Variants in OR4C3 observed in about 807,000 individuals in gnomAD.
The protein encoded by OR4C3 is olfactory receptor family 4 subfamily C member 3, also known as olfactory receptor 4C3.
For synonymous variants in OR4C3, 186 were observed against 140.1 expected (o/e 1.33, Z -2.31); for missense variants, 439 against 360.7 (o/e 1.22, Z -1.76).
rs554195182 is a variant in OR4C3, at chr11:48,325,479, A to G, written c.458A>G (p.His153Arg). Residue 153 changes from histidine (H) to arginine (R), a missense_variant, in exon 1 of 1, where the codon CAT becomes CGT. His to Arg is a conservative substitution (Grantham distance 29, BLOSUM62 0). Coordinates refer to ENST00000319856, the MANE Select transcript of OR4C3 (RefSeq NM_001004702.2). ...GTGGCTTGGCTTGGGGGCTTCCTGCATTCATTGGTTCAGCTCCTCCTGGTC... is the reference window on the plus strand; with the variant it reads ...GTGGCTTGGCTTGGGGGCTTCCTGCGTTCATTGGTTCAGCTCCTCCTGGTC... ...VGVAWLGGFL[H>R]SLVQLLLVLW... 4 of 1,613,736 alleles carry G rather than the reference A, an allele frequency of 2.5e-6. No homozygotes were observed. The highest frequency in any genetic ancestry group is 2.7e-5 in the African/African-American group (2 of 75,010).
Position 48,325,400 on chromosome 11 carries a change from C to A in OR4C3, c.379C>A (p.Pro127Thr), listed in dbSNP as rs1310313615. ...TGACCGCTATGTGGCCATCTGTAAG[C>A]CCCTGCACAATACTACCATCATGAC... The part of the protein sequence containing the change: ...AYDRYVAICK[P>T]LHNTTIMTRH... Residue 127 changes from proline (P) to threonine (T), a missense_variant, in exon 1 of 1, where the codon CCC (proline) becomes ACC (threonine). Coordinates refer to ENST00000319856, the MANE Select transcript of OR4C3 (RefSeq NM_001004702.2). 2 of 1,613,964 alleles carry A rather than the reference C, an allele frequency of 1.2e-6. No individual in the cohort carries two copies. The highest frequency in any genetic ancestry group is 1.7e-5 in the Admixed American group (1 of 60,016).
chr11:48,325,912 A>G lies in OR4C3; in HGVS notation c.891A>G (p.Arg297=). The G allele has an allele frequency of 1.3e-6, 2 of 1,506,346 alleles. No homozygotes were observed. Among genetic ancestry groups the G allele is most frequent in the Non-Finnish European group, 1.8e-6 (2 of 1,132,122 alleles). 93.3% of individuals were successfully genotyped at this position (1,506,346 alleles called of 1,614,324 possible). ...ATGAAGAGGTAAAAAATGCCATGAG[A>G]AAGCTCTTTACATGGTAAGAAATTG... is the stretch of plus-strand genomic sequence containing the variant. ...LRNEEVKNAM[R]KLFTW The change falls in exon 1 of 1, where the codon AGA becomes AGG. Residue 297 remains arginine, a synonymous_variant. Transcript: ENST00000319856.
At position 48,325,771 on chromosome 11, in the gene OR4C3, G is replaced by A. The variant is rs1173755819; in HGVS notation, c.750G>A (p.Val250=). 1 of 1,612,718 alleles carries A rather than the reference G, an allele frequency of 6.2e-7. No homozygotes were observed. The highest frequency in any genetic ancestry group is 1.1e-5 in the South Asian group (1 of 90,824). ...AHFIVVALFF[V]PCIFTYVHPF... ...TCATTGTTGTTGCCTTGTTCTTTGT[G>A]CCCTGTATATTTACTTATGTGCATC... Residue 250 remains valine, a synonymous_variant, in exon 1 of 1, where the codon GTG becomes GTA. Transcript: ENST00000319856.
chr11:48,324,986 A>C lies in OR4C3; in HGVS notation c.-36A>C, dbSNP rs769792354. 1.2e-6 allele frequency: 2 copies of C among 1,611,640 alleles called. No homozygotes were observed. The highest frequency in any genetic ancestry group is 2.2e-5 in the South Asian group (2 of 90,362). On this transcript the variant is annotated 5_prime_UTR_variant, in exon 1 of 1. Coordinates refer to ENST00000319856, the MANE Select transcript of OR4C3 (RefSeq NM_001004702.2). ...TATGTTTCTCCTTGTCTTTATAGGC[A>C]ATACTGCACCTGCATTCTCAGTGAC...
In OR4C3 at chr11:48,325,244, A is replaced by T. The variant is rs768990774; in HGVS notation, c.223A>T (p.Met75Leu). ...SFIDTFYSSS[M>L]APKLIADSLY... ...TATTGACACCTTTTATTCTTCTTCTATGGCTCCTAAACTCATTGCTGACTC... is the reference window on the plus strand; with the variant it reads ...TATTGACACCTTTTATTCTTCTTCTTTGGCTCCTAAACTCATTGCTGACTC... The change falls in exon 1 of 1, where the codon ATG (methionine) becomes TTG (leucine). Residue 75 changes from methionine to leucine, a missense_variant. Met to Leu is a conservative substitution (Grantham distance 15, BLOSUM62 2). Transcript: ENST00000319856. 2 of 1,613,998 alleles carry T rather than the reference A, an allele frequency of 1.2e-6. No individual in the cohort carries two copies. Among genetic ancestry groups the T allele is most frequent in the South Asian group, 2.2e-5 (2 of 91,082 alleles).
rs758196846 is a variant in OR4C3 at position 48,325,819 on chromosome 11, CA to C, written c.803del (p.Asn268IlefsTer9). 4 of 1,606,924 alleles carry C rather than the reference CA, an allele frequency of 2.5e-6. No homozygotes were observed. Among genetic ancestry groups the C allele is most frequent in the Non-Finnish European group, 3.4e-6 (4 of 1,177,252 alleles). ...ATCCATTTTCTACTTTACCTATAGACAAAAATATGGCATTATTTTATGGTAT... is the reference window on the plus strand; with the variant it reads ...ATCCATTTTCTACTTTACCTATAGACAAAATATGGCATTATTTTATGGTAT... ...VHPFSTLPID[K>X]NMALFYGILT... On this transcript the variant is annotated frameshift_variant, in exon 1 of 1. Transcript: ENST00000319856. LOFTEE classifies it low-confidence loss of function (END_TRUNC).
chr11:48,325,790 G>C lies in OR4C3; in HGVS notation c.769G>C (p.Val257Leu). The C allele has an allele frequency of 6.2e-7, 1 of 1,611,784 alleles. No homozygotes were observed. The highest frequency in any genetic ancestry group is 8.5e-7 in the Non-Finnish European group (1 of 1,179,200). ...CTTTGTGCCCTGTATATTTACTTAT[G>C]TGCATCCATTTTCTACTTTACCTAT... ...LFFVPCIFTY[V>L]HPFSTLPIDK... Residue 257 changes from valine (V) to leucine (L), a missense_variant, in exon 1 of 1, where the codon GTG becomes CTG. Transcript: ENST00000319856.
At position 48,325,708 on chromosome 11, in the gene OR4C3, T is replaced by C. The variant is rs139611454; in HGVS notation, c.687T>C (p.Asp229=). ...ACTCCTTGAGGTCCCACAGTGCAGA[T>C]GGGAGATGCAAAGCCCTCTCCACCT... ...ILYSLRSHSA[D]GRCKALSTCG... The change falls in exon 1 of 1, where the codon GAT becomes GAC. Residue 229 remains aspartate, a synonymous_variant. Transcript: ENST00000319856. The C allele has an allele frequency of 6.2e-7, 1 of 1,614,140 alleles. No homozygotes were observed.
Position 48,325,775 on chromosome 11 carries a change from T to G in OR4C3, c.754T>G (p.Cys252Gly). The stretch of plus-strand genomic sequence containing the variant: ...TGTTGTTGCCTTGTTCTTTGTGCCC[T>G]GTATATTTACTTATGTGCATCCATT... ...FIVVALFFVP[C>G]IFTYVHPFST... Residue 252 changes from cysteine to glycine, a missense_variant, in exon 1 of 1, where the codon TGT becomes GGT. Cys to Gly is a radical substitution (Grantham distance 159). Transcript: ENST00000319856. 1 of 1,612,454 alleles carries G rather than the reference T, an allele frequency of 6.2e-7. No homozygotes were observed. The highest frequency in any genetic ancestry group is 8.5e-7 in the Non-Finnish European group (1 of 1,179,338).
rs766673869 is a variant in OR4C3 at position 48,325,354 on chromosome 11, T to G, written c.333T>G (p.Ile111Met). ...ATTTTTTGGGAGGTGTTGAGATCAT[T>G]CTGCTCACAGTGATGGCTTATGACC... Reference protein sequence around the residue: ...GAHFLGGVEIILLTVMAYDRY... With the variant: ...GAHFLGGVEIMLLTVMAYDRY... Residue 111 changes from isoleucine (I) to methionine (M), a missense_variant, in exon 1 of 1, where the codon ATT becomes ATG. Ile to Met is a conservative substitution (Grantham distance 10). Transcript: ENST00000319856. 5.6e-6 allele frequency: 9 copies of G among 1,614,034 alleles called. No individual in the cohort carries two copies. The Admixed American group carries it at 1.5e-4, about 27-fold the overall frequency.
At position 48,325,454 on chromosome 11, in the gene OR4C3, G is replaced by A. The variant is rs146835532; in HGVS notation, c.433G>A (p.Val145Met). ...GCATCTCTGTGCCATGCTTGTAGGGGTGGCTTGGCTTGGGGGCTTCCTGCA... is the reference window on the plus strand; with the variant it reads ...GCATCTCTGTGCCATGCTTGTAGGGATGGCTTGGCTTGGGGGCTTCCTGCA... ...TRHLCAMLVG[V>M]AWLGGFLHSL... The change falls in exon 1 of 1, where the codon GTG (valine) becomes ATG (methionine). Residue 145 changes from valine to methionine, a missense_variant. Physicochemically the swap from Val to Met is conservative, Grantham distance 21. Transcript: ENST00000319856. The A allele has an allele frequency of 4.0e-5, 65 of 1,613,638 alleles. No homozygotes were observed. The African/African-American group carries it at 8.3e-4, about 21-fold the overall frequency.
Position 48,324,943 on chromosome 11 carries a change from G to A in OR4C3, c.-79G>A, listed in dbSNP as rs139736329. 2.9e-4 allele frequency: 451 copies of A among 1,577,178 alleles called. No homozygotes were observed. The highest frequency in any genetic ancestry group is 3.8e-4 in the Non-Finnish European group (444 of 1,162,950). ...AAAACTTGCAATGTTTTTCCCCCATGCAATTAGTTCTATTACTTATGTTTC... is the reference window on the plus strand; with the variant it reads ...AAAACTTGCAATGTTTTTCCCCCATACAATTAGTTCTATTACTTATGTTTC... On this transcript the variant is annotated 5_prime_UTR_variant, in exon 1 of 1. The change abolishes an upstream ATG in the 5' untranslated region. Coordinates refer to ENST00000319856, the MANE Select transcript of OR4C3 (RefSeq NM_001004702.2).
chr11:48,325,349 A>G lies in OR4C3; in HGVS notation c.328A>G (p.Ile110Val), dbSNP rs1367042547. 6.2e-6 allele frequency: 10 copies of G among 1,614,098 alleles called. No homozygotes were observed. Among genetic ancestry groups the G allele is most frequent in the Non-Finnish European group, 8.5e-6 (10 of 1,180,028 alleles). The change falls in exon 1 of 1, where the codon ATC (isoleucine) becomes GTC (valine). Residue 110 changes from isoleucine to valine, a missense_variant. Transcript: ENST00000319856. Reference protein sequence around the residue: ...FGAHFLGGVEIILLTVMAYDR... With the variant: ...FGAHFLGGVEVILLTVMAYDR... ...AGCTCATTTTTTGGGAGGTGTTGAG[A>G]TCATTCTGCTCACAGTGATGGCTTA...
chr11:48,325,095 T>C lies in OR4C3; in HGVS notation c.74T>C (p.Leu25Pro). Reference sequence around the variant, plus strand: ...CAGAACTCAGAGGTACAGAGAGTTCTCTTTGTGGTCTTTTTGCTGATCTAT... The same window carrying C: ...CAGAACTCAGAGGTACAGAGAGTTCCCTTTGTGGTCTTTTTGCTGATCTAT... ...LSQNSEVQRV[L>P]FVVFLLIYVV... The change falls in exon 1 of 1, where the codon CTC (leucine) becomes CCC (proline). Residue 25 changes from leucine (L) to proline (P), a missense_variant. Transcript: ENST00000319856. The C allele has an allele frequency of 6.2e-7, 1 of 1,614,164 alleles. No individual in the cohort carries two copies. The highest frequency in any genetic ancestry group is 8.5e-7 in the Non-Finnish European group (1 of 1,180,028).
In OR4C3 at chr11:48,325,242, C is replaced by T. The variant is rs747540397; in HGVS notation, c.221C>T (p.Ser74Phe). 1 of 1,614,146 alleles carries T rather than the reference C, an allele frequency of 6.2e-7. No individual in the cohort carries two copies. Among genetic ancestry groups the T allele is most frequent in the Admixed American group, 1.7e-5 (1 of 60,026 alleles). Residue 74 changes from serine to phenylalanine, a missense_variant, in exon 1 of 1, where the codon TCT (serine) becomes TTT (phenylalanine). Physicochemically the swap from Ser to Phe is radical, Grantham distance 155. Coordinates refer to ENST00000319856, the MANE Select transcript of OR4C3 (RefSeq NM_001004702.2). ...LSFIDTFYSSSMAPKLIADSL... is the reference protein window; with the variant it reads ...LSFIDTFYSSFMAPKLIADSL... ...TTTATTGACACCTTTTATTCTTCTT[C>T]TATGGCTCCTAAACTCATTGCTGAC...
At position 48,325,483 on chromosome 11, in the gene OR4C3, A is replaced by G. The variant is rs1453189178; in HGVS notation, c.462A>G (p.Ser154=). ...CTTGGCTTGGGGGCTTCCTGCATTC[A>G]TTGGTTCAGCTCCTCCTGGTCCTTT... ...GVAWLGGFLH[S]LVQLLLVLWL... Residue 154 remains serine, a synonymous_variant, in exon 1 of 1, where the codon TCA becomes TCG. Transcript: ENST00000319856. The G allele has an allele frequency of 1.2e-6, 2 of 1,613,678 alleles. No individual in the cohort carries two copies. Among genetic ancestry groups the G allele is most frequent in the South Asian group, 2.2e-5 (2 of 91,010 alleles).
In OR4C3 at chr11:48,325,915, G is replaced by T. The variant is rs146376612; in HGVS notation, c.894G>T (p.Lys298Asn). ...RNEEVKNAMR[K>N]LFTW ...AAGAGGTAAAAAATGCCATGAGAAAGCTCTTTACATGGTAAGAAATTGCAG... is the reference window on the plus strand; with the variant it reads ...AAGAGGTAAAAAATGCCATGAGAAATCTCTTTACATGGTAAGAAATTGCAG... The change falls in exon 1 of 1, where the codon AAG becomes AAT. Residue 298 changes from lysine to asparagine, a missense_variant. Transcript: ENST00000319856. 2.9e-5 allele frequency: 43 copies of T among 1,501,632 alleles called. No individual in the cohort carries two copies. In the African/African-American group the frequency reaches 5.0e-4, roughly 18 times the overall value. 93.0% of individuals were successfully genotyped at this position (1,501,632 alleles called of 1,614,324 possible).
Position 48,325,249 on chromosome 11 carries a change from T to C in OR4C3, c.228T>C (p.Ala76=). The C allele has an allele frequency of 6.2e-7, 1 of 1,614,162 alleles. No individual in the cohort carries two copies. Among genetic ancestry groups the C allele is most frequent in the Non-Finnish European group, 8.5e-7 (1 of 1,180,002 alleles). The change falls in exon 1 of 1, where the codon GCT becomes GCC. Residue 76 remains alanine, a synonymous_variant. Transcript: ENST00000319856. The stretch of plus-strand genomic sequence containing the variant: ...ACACCTTTTATTCTTCTTCTATGGC[T>C]CCTAAACTCATTGCTGACTCATTGT... The part of the protein sequence containing the change: ...FIDTFYSSSM[A]PKLIADSLYE...
At position 48,325,220 on chromosome 11, in the gene OR4C3, A is replaced by G. The variant is rs757876102; in HGVS notation, c.199A>G (p.Ile67Val). 6.2e-7 allele frequency: 1 copy of G among 1,614,008 alleles called. No homozygotes were observed. Among genetic ancestry groups the G allele is most frequent in the East Asian group, 2.2e-5 (1 of 44,876 alleles). ...VYFFLANLSF[I>V]DTFYSSSMAP... ...TTTTTTCCTGGCCAACCTATCCTTT[A>G]TTGACACCTTTTATTCTTCTTCTAT... Residue 67 changes from isoleucine (I) to valine (V), a missense_variant, in exon 1 of 1, where the codon ATT becomes GTT. Coordinates refer to ENST00000319856, the MANE Select transcript of OR4C3 (RefSeq NM_001004702.2).
Sources: gnomAD v4.1 joint callset for allele counts on GRCh38, gnomAD v4.1.1 for gene constraint, MANE v1.5 for transcripts, NCBI Gene and HGNC (gene_info 2026-07-23, HGNC 2026-07-21) for gene names.